Variants in CHL1 observed in about 807,000 individuals in gnomAD.
CHL1 encodes cell adhesion molecule L1 like, also known as neural cell adhesion molecule L1-like protein.
Under a neutral mutation model 141.9 loss-of-function variants are expected in CHL1, and 96 were observed. The ratio of observed to expected loss-of-function variants is 0.68; its 90% CI spans 0.57 to 0.80. The LOEUF is 0.80. Among genes scored for constraint, CHL1 ranks in the 30% least tolerant of loss-of-function variants. The pLI is 0.00. For missense variants in CHL1, 1,820 were observed against 1,457.2 expected, an observed-to-expected ratio of 1.25 and a Z score of -4.05; for synonymous variants, 613 against 502.2, an observed-to-expected ratio of 1.22 and a Z score of -2.95.
Position 345,547 on chromosome 3 carries a change from G to A in CHL1, c.848+838G>A, listed in dbSNP as rs1262224080. Among the ~76,000 whole-genome samples, 5 of 151,602 alleles carry A rather than the reference G, an allele frequency of 3.3e-5. No individual in the cohort carries two copies. The East Asian group carries it at 5.8e-4, about 18-fold the overall frequency. On this transcript the variant is annotated intron_variant, in intron 9 of 27. Coordinates refer to ENST00000256509, the MANE Select transcript of CHL1 (RefSeq NM_006614.4). The stretch of plus-strand genomic sequence containing the variant: ...CACCCATGCTGGAGTGCAGAGGCGC[G>A]ATCTCAGCTCACTGCAACCTCTGCC...
chr3:399,459 A>G (rs1011275477), intron 26 of CHL1, among the ~76,000 whole-genome samples: 85 of 152,048 alleles, frequency 5.6e-4, no homozygotes, highest in East Asian at 4.3e-3. Context: ...GGCCAACATG[A>G]TGAAACCCCG....
At chr3:322,993 A>T (rs2117045) in intron 3 of CHL1, among the ~76,000 whole-genome samples, 42,186 of 151,728 alleles carry the variant, frequency 0.28, 6,527 homozygotes, top group African/African-American at 0.42. Flanking sequence ...ATACTTTCTA[A>T]CATTCTAGTG....
intron 3 of CHL1, among the ~76,000 whole-genome samples, chr3:325,028 T>C (rs1575071216): frequency 6.6e-6 from 1 of 151,900 alleles, no homozygotes; most frequent in Non-Finnish European, 1.5e-5. Context: ...TATATAATAA[T>C]GGTTATTAGT....
chr3:371,648 A>T (rs753161950), intron 15 of CHL1, among the ~76,000 whole-genome samples: 1 of 152,186 alleles, frequency 6.6e-6, no homozygotes, highest in African/African-American at 2.4e-5. Flanking sequence ...TCCTGTCATC[A>T]TGATGCTGTT....
chr3:225,802 G>T (rs1341004320), intron 1 of CHL1, among the ~76,000 whole-genome samples: 9 of 152,174 alleles, frequency 5.9e-5, no homozygotes, highest in South Asian at 2.1e-4. Flanking sequence ...GAGGTCAGGA[G>T]ATTGAGGCCA....
At chr3:355,000 T>G (rs568766131) in intron 11 of CHL1, among the ~76,000 whole-genome samples, 9 of 152,136 alleles carry the variant, frequency 5.9e-5, no homozygotes, top group Admixed American at 1.3e-4. Context: ...ATAAATTATA[T>G]ATAAGAATAA....
chr3:385,962 C>T (rs1428486975), intron 19 of CHL1, among the ~76,000 whole-genome samples: 1 of 151,754 alleles, frequency 6.6e-6, no homozygotes, highest in African/African-American at 2.4e-5. Context: ...CCCAATATGT[C>T]CCATGGTGTC....
intron 2 of CHL1, among the ~76,000 whole-genome samples, chr3:286,684 G>A (rs533242962): frequency 6.6e-6 from 1 of 151,732 alleles, no homozygotes; most frequent in African/African-American, 2.4e-5. Flanking sequence ...CAGAACAGAA[G>A]CATGAGCTAC....
intron 12 of CHL1, among the ~76,000 whole-genome samples, 176 bp downstream of exon 12, chr3:360,600 T>TTA (rs1553591501): frequency 7.9e-5 from 12 of 151,456 alleles, no homozygotes; most frequent in South Asian, 2.1e-4. Context: ...CTTTTTTTTT[T>TTA]TTATTATACT....
intron 2 of CHL1, among the ~76,000 whole-genome samples, chr3:316,026 C>T (rs1278750473): frequency 6.6e-6 from 1 of 151,964 alleles, no homozygotes; most frequent in Admixed American, 6.6e-5. Flanking sequence ...TTGGTTCGAT[C>T]AGGTGTGACG....
intron 2 of CHL1, chr3:308,767 A>G (rs1321784146): frequency 6.5e-6 from 1 of 154,460 alleles, no homozygotes; most frequent in Non-Finnish European, 1.5e-5. Context: ...AGTTCCTTGC[A>G]CTCTAGCACG....
intron 5 of CHL1, among the ~76,000 whole-genome samples, chr3:333,149 G>A (rs1409310011): frequency 8.8e-5 from 1 of 11,426 alleles, no homozygotes; most frequent in Non-Finnish European, 6.4e-4. Context: ...TTTTTTTGCT[G>A]CTGCTGCAGA....
intron 2 of CHL1, among the ~76,000 whole-genome samples, chr3:308,393 C>A (rs557033686): frequency 6.6e-6 from 1 of 152,058 alleles, no homozygotes; most frequent in South Asian, 2.1e-4. Flanking sequence ...AAATTGTGAG[C>A]CCTTGTTTAT....
chr3:355,477 T>G (rs1488450766), intron 11 of CHL1, among the ~76,000 whole-genome samples: 1 of 152,190 alleles, frequency 6.6e-6, no homozygotes, highest in Non-Finnish European at 1.5e-5. Flanking sequence ...AATCTTCCAC[T>G]GGAACCTAGA....
At chr3:286,979 C>T (rs567023310) in intron 2 of CHL1, among the ~76,000 whole-genome samples, 18 of 152,146 alleles carry the variant, frequency 1.2e-4, no homozygotes, top group African/African-American at 3.6e-4. Flanking sequence ...GCTTCTTCAC[C>T]GCCACCTGTT....
intron 4 of CHL1, among the ~76,000 whole-genome samples, chr3:326,369 A>G (rs775331046): frequency 1.5e-4 from 23 of 152,076 alleles, no homozygotes; most frequent in Admixed American, 7.2e-4. Context: ...GCTGAAAACT[A>G]GAAGATCCTT....
Position 361,808 on chromosome 3 carries a change from C to CT in CHL1, c.1417dup (p.Trp473LeufsTer19). 6.2e-7 allele frequency: 1 copy of CT among 1,601,448 alleles called. No homozygotes were observed. The highest frequency in any genetic ancestry group is 2.2e-5 in the East Asian group (1 of 44,812). On this transcript the variant is annotated frameshift_variant and splice_region_variant, in exon 13 of 28. Coordinates refer to ENST00000256509, the MANE Select transcript of CHL1 (RefSeq NM_006614.4). LOFTEE classifies it high-confidence loss of function. ...TTGCTTCACCTGAGGCAGTCGTGTCCTGGTAAGCCGGTGGCTCATGGTTTT... is the reference window on the plus strand; with the variant it reads ...TTGCTTCACCTGAGGCAGTCGTGTCCTTGGTAAGCCGGTGGCTCATGGTTTT...
chr3:257,564 G>A (rs1327985065), intron 2 of CHL1, among the ~76,000 whole-genome samples: 2 of 151,986 alleles, frequency 1.3e-5, no homozygotes, highest in African/African-American at 4.8e-5. Flanking sequence ...TGCTGACCAG[G>A]CTGGTCTCAA....
intron 2 of CHL1, among the ~76,000 whole-genome samples, chr3:270,794 C>G (rs1286196390): frequency 6.6e-6 from 1 of 152,210 alleles, no homozygotes; most frequent in Non-Finnish European, 1.5e-5. Context: ...CACAGCTTTC[C>G]CACATGGCTC....
Sources: gnomAD v4.1 joint callset for allele counts (sites outside exome capture counted in the v4.1 genomes callset) on GRCh38, gnomAD v4.1.1 for gene constraint, MANE v1.5 for transcripts, NCBI Gene and HGNC (gene_info 2026-07-23, HGNC 2026-07-21) for gene names.